CSF1R: variants seen among roughly 807,000 people sequenced by gnomAD.
CSF1R encodes macrophage colony-stimulating factor 1 receptor.
A neutral mutation model predicts 110.0 loss-of-function variants in CSF1R; 40 were observed. That is an observed-to-expected ratio of 0.36 (90% CI 0.28 to 0.47). The LOEUF (loss-of-function observed/expected upper bound fraction) is 0.47. Among genes scored for constraint, CSF1R ranks in the 20% least tolerant of loss-of-function variants. The probability of loss-of-function intolerance (pLI) is 0.99; values close to 1 mark genes in which losing one functional copy is unlikely to be tolerated. For missense variants in CSF1R, 1,052 were observed against 1,253.0 expected (o/e 0.84, Z 2.42); for synonymous variants, 523 against 503.4 (o/e 1.04, Z -0.52).
intron 5 of CSF1R, among the ~76,000 whole-genome samples, chr5:150,073,753 G>T (rs1326378140): frequency 6.6e-6 from 1 of 152,166 alleles, no homozygotes; most frequent in Non-Finnish European, 1.5e-5. Context: ...CTCCTTATTT[G>T]TGTAATGAAG....
chr5:150,064,625 T>C (rs1757679283), intron 10 of CSF1R, among the ~76,000 whole-genome samples: 1 of 152,202 alleles, frequency 6.6e-6, no homozygotes, highest in East Asian at 1.9e-4. Context: ...CTTCCATCTC[T>C]AGGAGCCTCT....
chr5:150,091,248 A>C (rs1191832073), upstream of CSF1R, among the ~76,000 whole-genome samples: 1 of 152,246 alleles, frequency 6.6e-6, no homozygotes, highest in Non-Finnish European at 1.5e-5. Flanking sequence ...AAAGTTAAAC[A>C]TAGAATTGTC....
chr5:150,070,573 T>C lies in CSF1R; in HGVS notation c.1083-2A>G. 6.6e-7 allele frequency: 1 copy of C among 1,513,320 alleles called. No individual in the cohort carries two copies. The highest frequency in any genetic ancestry group is 8.8e-7 in the Non-Finnish European group (1 of 1,130,342). The allele number at this position is 1,513,320 out of a possible 1,614,324, so 93.7% of individuals were successfully genotyped here. A position where few individuals can be genotyped will look rare whatever the true frequency, so the allele number is the denominator to read the frequency against. ...GGCAGAGAGAGGGTGAAGGTGTGCC[T>C]GCAGGAGAGAATCAGGTGGTGTTGG... On this transcript the variant is annotated splice_acceptor_variant, in intron 6 of 20. Transcript: ENST00000675795. LOFTEE classifies it high-confidence loss of function.
rs769245500 is a variant in CSF1R, at chr5:150,059,677, TC to T, written c.2132+22del. On this transcript the variant is annotated intron_variant, in intron 14 of 20. Coordinates refer to ENST00000675795, the MANE Select transcript of CSF1R (RefSeq NM_001288705.3). ...TCCTGCCTCCCAGACCTGGCCTTTT[TC>T]TTGTCCTTTGCCAGGGGCTACCTGC... 22 of 1,611,338 alleles carry T rather than the reference TC, an allele frequency of 1.4e-5. No homozygotes were observed. In the African/African-American group the frequency reaches 2.8e-4, roughly 21 times the overall value.
upstream of CSF1R, among the ~76,000 whole-genome samples, chr5:150,088,460 A>G (rs1294572239): frequency 2.0e-5 from 3 of 152,198 alleles, no homozygotes; most frequent in Non-Finnish European, 2.9e-5. Context: ...ACTACAGACC[A>G]ATACAAATGC....
intron 3 of CSF1R, among the ~76,000 whole-genome samples, chr5:150,079,138 G>T: frequency 6.6e-6 from 1 of 152,220 alleles, no homozygotes; most frequent in Non-Finnish European, 1.5e-5. Context: ...TCCCTGAGGG[G>T]GTGTCAAGGC....
intron 10 of CSF1R, among the ~76,000 whole-genome samples, chr5:150,063,401 T>G (rs1757621888): frequency 6.6e-6 from 1 of 151,394 alleles, no homozygotes; most frequent in Non-Finnish European, 1.5e-5. Flanking sequence ...CATGCCGGAG[T>G]GCAGTGGCAC....
Position 150,061,600 on chromosome 5 carries a change from C to A in CSF1R, c.1754-5G>T. 1 of 1,614,150 alleles carries A rather than the reference C, an allele frequency of 6.2e-7. No individual in the cohort carries two copies. Among genetic ancestry groups the A allele is most frequent in the Admixed American group, 1.7e-5 (1 of 60,022 alleles). ...CTCCAGCTCCGAGGGTCTTACCTGCCACGCACACAGGTCCCTTAAGTCCCT... is the reference window on the plus strand; with the variant it reads ...CTCCAGCTCCGAGGGTCTTACCTGCAACGCACACAGGTCCCTTAAGTCCCT... On this transcript the variant is annotated splice_polypyrimidine_tract_variant and splice_region_variant and intron_variant, in intron 11 of 20. Transcript: ENST00000675795.
chr5:150,080,912 T>A lies in CSF1R; in HGVS notation c.162A>T (p.Pro54=). 1.9e-6 allele frequency: 3 copies of A among 1,614,120 alleles called. No individual in the cohort carries two copies. Among genetic ancestry groups the A allele is most frequent in the Non-Finnish European group, 2.5e-6 (3 of 1,180,004 alleles). ...GNGSVEWDGP[P]SPHWTLYSDG... is the part of the protein sequence containing the mutation. ...CAGAGTACAGGGTCCAGTGAGGTGA[T>A]GGGGGGCCATCCCATTCCACGCTGC... The change falls in exon 2 of 21, where the codon CCA becomes CCT. Residue 54 remains proline, a synonymous_variant. Transcript: ENST00000675795.
Position 150,065,138 on chromosome 5 carries a change from T to C in CSF1R, c.1626+3077A>G, listed in dbSNP as rs367992792. On this transcript the variant is annotated intron_variant, in intron 10 of 20. Transcript: ENST00000675795. ...CTAAGCCCCAGGCCCACCCCCTGAC[T>C]TCTTCCCTTCCTCCCATCCTCCCCA... is the stretch of plus-strand genomic sequence containing the variant. Among the ~76,000 whole-genome samples, 608 of 152,264 alleles carry C rather than the reference T, an allele frequency of 4.0e-3. 3 individuals carry two copies. Among genetic ancestry groups the C allele is most frequent in the Middle Eastern group, 0.01 (3 of 294 alleles).
At chr5:150,064,685 C>T (rs1170019452) in intron 10 of CSF1R, among the ~76,000 whole-genome samples, 1 of 152,214 alleles carries the variant, frequency 6.6e-6, no homozygotes, top group Non-Finnish European at 1.5e-5. Flanking sequence ...TGTCCCTCTG[C>T]AGCTGGGCTG....
At chr5:150,068,377 G>A in intron 9 of CSF1R, 47 bp from the exon 10 acceptor site, 2 of 1,410,832 alleles carry the variant, frequency 1.4e-6, no homozygotes, top group Non-Finnish European at 2.0e-6. Context: ...GTGCCTCCGA[G>A]CCCCCTGAGG....
chr5:150,109,091 C>A (rs1316829487), intron 1 of CSF1R, among the ~76,000 whole-genome samples: 3 of 140,372 alleles, frequency 2.1e-5, no homozygotes, highest in African/African-American at 7.9e-5. Flanking sequence ...ATTCCAGGAG[C>A]CACATTCTGT....
At chr5:150,080,459 G>T in intron 2 of CSF1R, 123 bp from the exon 3 acceptor site, 1 of 1,304,190 alleles carries the variant, frequency 7.7e-7, no homozygotes, top group East Asian at 2.5e-5. Flanking sequence ...CACCACGCCA[G>T]GACAGTTCAG....
chr5:150,067,323 G>A (rs2113802891), intron 10 of CSF1R: 1 of 152,248 alleles, frequency 6.6e-6, no homozygotes, highest in South Asian at 2.1e-4. Flanking sequence ...CATAATGATT[G>A]GGACATGCTT....
chr5:150,066,460 A>G (rs1044926102), intron 10 of CSF1R, among the ~76,000 whole-genome samples: 1 of 152,174 alleles, frequency 6.6e-6, no homozygotes, highest in Non-Finnish European at 1.5e-5. Context: ...TTGGCATGTC[A>G]GAGGAGGAGG....
At chr5:150,057,700 T>C in intron 14 of CSF1R, 108 bp from the exon 15 acceptor site, 1 of 762,254 alleles carries the variant, frequency 1.3e-6, no homozygotes, top group Non-Finnish European at 2.2e-6. Flanking sequence ...CCTCCCTTTC[T>C]GATAAGAAAC....
intron 9 of CSF1R, among the ~76,000 whole-genome samples, chr5:150,069,654 G>T (rs1371768145): frequency 6.6e-6 from 1 of 152,128 alleles, no homozygotes; most frequent in Non-Finnish European, 1.5e-5. Context: ...CTTTCTCTCT[G>T]CTTTCTCAGA....
chr5:150,094,274 G>C, intron 1 of CSF1R: 1 of 1,466,694 alleles, frequency 6.8e-7, no homozygotes, highest in Non-Finnish European at 9.3e-7. Context: ...TTAGAACAGA[G>C]CTTCAGTTTT....
Sources: gnomAD v4.1 joint callset for allele counts (sites outside exome capture counted in the v4.1 genomes callset) on GRCh38, gnomAD v4.1.1 for gene constraint, MANE v1.5 for transcripts, NCBI Gene and HGNC (gene_info 2026-07-23, HGNC 2026-07-21) for gene names.